LPAR1: variants seen among roughly 807,000 people sequenced by gnomAD.
The protein encoded by LPAR1 is lysophosphatidic acid receptor 1.
A neutral mutation model predicts 23.8 loss-of-function variants in LPAR1; 5 were observed. The ratio of observed to expected loss-of-function variants is 0.21; its 90% CI spans 0.11 to 0.44. The LOEUF is 0.44. Among genes scored for constraint, LPAR1 ranks in the 20% least tolerant of loss-of-function variants. LPAR1 has a pLI of 0.99. For missense variants in LPAR1, 311 were observed against 482.8 expected (o/e 0.64, Z 3.33); for synonymous variants, 160 against 164.7 (o/e 0.97, Z 0.22).
intron 5 of LPAR1, among the ~76,000 whole-genome samples, chr9:110,908,564 A>C (rs1458435524): frequency 6.6e-6 from 1 of 152,230 alleles, no homozygotes; most frequent in Non-Finnish European, 1.5e-5. Context: ...TGAATGGAAC[A>C]TTCTGGTCTT....
chr9:110,944,805 C>T (rs2095313530), intron 4 of LPAR1, among the ~76,000 whole-genome samples: 1 of 152,112 alleles, frequency 6.6e-6, no homozygotes. Flanking sequence ...ACCATAAAAA[C>T]CATACATATT....
chr9:110,997,871 C>T (rs183422090), intron 2 of LPAR1, among the ~76,000 whole-genome samples: 4 of 152,212 alleles, frequency 2.6e-5, no homozygotes, highest in Admixed American at 1.3e-4. Context: ...AGATGCTGTG[C>T]GAGAGAGAAC....
At chr9:111,005,546 C>CAAA (rs60143050) in intron 2 of LPAR1, among the ~76,000 whole-genome samples, 1,019 of 69,922 alleles carry the variant, frequency 0.015, 7 homozygotes, top group Non-Finnish European at 0.017. Flanking sequence ...GACCCTGTCT[C>CAAA]AAAAAAAAAA....
At chr9:110,935,435 A>T (rs1191632959) in intron 5 of LPAR1, among the ~76,000 whole-genome samples, 2 of 151,892 alleles carry the variant, frequency 1.3e-5, no homozygotes, top group Non-Finnish European at 2.9e-5. Flanking sequence ...AAAGCCAATT[A>T]TACACAGCAA....
intron 2 of LPAR1, among the ~76,000 whole-genome samples, chr9:110,979,573 T>C (rs1410642143): frequency 3.3e-5 from 5 of 152,144 alleles, no homozygotes; most frequent in African/African-American, 7.2e-5. Flanking sequence ...TGTGTTTTTT[T>C]AACTGTAAGG....
At chr9:110,958,926 G>C (rs1195443699) in intron 4 of LPAR1, among the ~76,000 whole-genome samples, 1 of 148,170 alleles carries the variant, frequency 6.7e-6, no homozygotes, top group African/African-American at 2.5e-5. Flanking sequence ...TTTCTCATAA[G>C]AAGACATACA....
chr9:110,930,303 AT>A (rs1265672201), intron 5 of LPAR1, among the ~76,000 whole-genome samples: 2 of 151,698 alleles, frequency 1.3e-5, no homozygotes, highest in Non-Finnish European at 2.9e-5. Context: ...ATTACCTGAG[AT>A]TGAGAGTTCG....
intron 2 of LPAR1, among the ~76,000 whole-genome samples, chr9:111,008,502 C>T (rs1329927501): frequency 6.6e-6 from 1 of 152,036 alleles, no homozygotes; most frequent in African/African-American, 2.4e-5. Context: ...TCCCAGGTGA[C>T]CTTGAGTTTT....
At chr9:110,995,102 A>G (rs2096971096) in intron 2 of LPAR1, among the ~76,000 whole-genome samples, 1 of 152,204 alleles carries the variant, frequency 6.6e-6, no homozygotes, top group South Asian at 2.1e-4. Flanking sequence ...TACATGTCAC[A>G]TGAGAAATGT....
intron 2 of LPAR1, among the ~76,000 whole-genome samples, chr9:111,000,174 A>G (rs2140127854): frequency 6.6e-6 from 1 of 152,114 alleles, no homozygotes; most frequent in East Asian, 1.9e-4. Context: ...CCTTTCTCTT[A>G]CCCCTTTCAG....
chr9:110,980,743 T>G (rs1180189119), intron 2 of LPAR1, among the ~76,000 whole-genome samples: 1 of 151,894 alleles, frequency 6.6e-6, no homozygotes. Flanking sequence ...CAAACAACAA[T>G]TTATTGTATT....
intron 2 of LPAR1, among the ~76,000 whole-genome samples, chr9:111,027,909 A>G (rs2097724114): frequency 6.8e-6 from 1 of 146,912 alleles, no homozygotes; most frequent in Non-Finnish European, 1.5e-5. Context: ...AAAAAAAAAA[A>G]AAGAAGCAAG....
intron 2 of LPAR1, among the ~76,000 whole-genome samples, chr9:110,991,418 A>G (rs940536793): frequency 2.6e-5 from 4 of 152,172 alleles, no homozygotes; most frequent in African/African-American, 9.7e-5. Context: ...CCTACACATA[A>G]GAGAACACCT....
intron 5 of LPAR1, among the ~76,000 whole-genome samples, chr9:110,896,623 T>C (rs2086423419): frequency 6.6e-6 from 1 of 152,054 alleles, no homozygotes; most frequent in African/African-American, 2.4e-5. Flanking sequence ...TCCACAAGAA[T>C]AGTACACTAA....
At chr9:111,007,449 A>AT (rs1365423905) in intron 2 of LPAR1, among the ~76,000 whole-genome samples, 5 of 152,326 alleles carry the variant, frequency 3.3e-5, no homozygotes, top group African/African-American at 1.2e-4. Context: ...TTAGATGAGC[A>AT]TCCCAATAGA....
intron 5 of LPAR1, among the ~76,000 whole-genome samples, chr9:110,908,886 T>A (rs1172957859): frequency 1.3e-5 from 2 of 152,212 alleles, no homozygotes; most frequent in African/African-American, 4.8e-5. Context: ...ACCAACCCCA[T>A]CGTTCCATAG....
intron 2 of LPAR1, among the ~76,000 whole-genome samples, chr9:111,029,181 T>C (rs2097755450): frequency 6.6e-6 from 1 of 152,182 alleles, no homozygotes; most frequent in Non-Finnish European, 1.5e-5. Flanking sequence ...ATCACACACA[T>C]TTTACTGGCA....
At chr9:110,965,747 T>C (rs1000416880) in intron 4 of LPAR1, among the ~76,000 whole-genome samples, 3 of 152,198 alleles carry the variant, frequency 2.0e-5, no homozygotes, top group East Asian at 3.9e-4. Flanking sequence ...AGAAATACCA[T>C]CTGACCCAGC....
chr9:111,038,501 G>C, upstream of LPAR1: 1 of 406,236 alleles, frequency 2.5e-6, no homozygotes, highest in Non-Finnish European at 5.0e-6. This position sits in a 1 kb window ranked among gnomAD's most constrained non-coding sequence, Gnocchi z 4.4. Context: ...CAGGAGGAGG[G>C]GGCGCAGAGG....
Sources: gnomAD v4.1 joint callset for allele counts (sites outside exome capture counted in the v4.1 genomes callset) on GRCh38, gnomAD v4.1.1 for gene constraint, Gnocchi (gnomAD v3.1) non-coding constraint, MANE v1.5 for transcripts, NCBI Gene and HGNC (gene_info 2026-07-23, HGNC 2026-07-21) for gene names.